IGSF5: variants seen among roughly 807,000 people sequenced by gnomAD.
IGSF5 encodes the protein immunoglobulin superfamily 5 like.
Under a neutral mutation model 39.4 loss-of-function variants are expected in IGSF5, and 41 were observed. The observed-to-expected ratio is 1.04, with a 90% confidence interval of 0.81 to 1.35. The LOEUF (loss-of-function observed/expected upper bound fraction) is 1.35. IGSF5 is among the 40% of genes most tolerant of loss of function. The probability of loss-of-function intolerance (pLI) is 0.00; values close to 1 mark genes in which losing one functional copy is unlikely to be tolerated. For synonymous variants in IGSF5, 183 were observed against 175.3 expected (o/e 1.04, Z -0.34); for missense variants, 487 against 494.6 (o/e 0.98, Z 0.15).
At chr21:39,747,737 T>C (rs1355470136) in intron 2 of IGSF5, among the ~76,000 whole-genome samples, 1 of 152,226 alleles carries the variant, frequency 6.6e-6, no homozygotes, top group Non-Finnish European at 1.5e-5. Context: ...TCTAGGTCAT[T>C]AACATAATTT....
At chr21:39,780,877 A>G (rs2080166740) in intron 5 of IGSF5, among the ~76,000 whole-genome samples, 1 of 152,218 alleles carries the variant, frequency 6.6e-6, no homozygotes, top group African/African-American at 2.4e-5. Flanking sequence ...TCCTTTTGTT[A>G]AAAACTTCAT....
chr21:39,743,490 T>G (rs2079956588), upstream of IGSF5, among the ~76,000 whole-genome samples: 1 of 151,576 alleles, frequency 6.6e-6, no homozygotes, highest in Non-Finnish European at 1.5e-5. Flanking sequence ...CTGGCTGGGC[T>G]GAATTCTCCT....
the IGSF5 span, among the ~76,000 whole-genome samples, chr21:39,738,336 G>A: frequency 6.6e-6 from 1 of 152,156 alleles, no homozygotes; most frequent in Non-Finnish European, 1.5e-5. This position sits in a 1 kb window ranked among gnomAD's most constrained non-coding sequence, Gnocchi z 6.4. Flanking sequence ...CATGAGAACA[G>A]TATGGGGGAA....
chr21:39,720,577 G>C, the IGSF5 span, among the ~76,000 whole-genome samples: 1 of 152,142 alleles, frequency 6.6e-6, no homozygotes, highest in Non-Finnish European at 1.5e-5. Context: ...CTGTCCTAGT[G>C]GCCAGAAACA....
intron 2 of IGSF5, among the ~76,000 whole-genome samples, chr21:39,751,950 G>A (rs112370300): frequency 0.042 from 6,374 of 152,114 alleles, 444 homozygotes; most frequent in African/African-American, 0.14. Flanking sequence ...GAGCCGTGGC[G>A]GTGTCCAGGT....
intron 4 of IGSF5, among the ~76,000 whole-genome samples, chr21:39,773,908 T>C (rs149152151): frequency 2.8e-3 from 430 of 152,130 alleles, no homozygotes; most frequent in African/African-American, 9.9e-3. Context: ...CTTAGAGAGA[T>C]AGATTTTAGA....
the IGSF5 span, among the ~76,000 whole-genome samples, chr21:39,732,351 A>G: frequency 6.6e-6 from 1 of 152,232 alleles, no homozygotes; most frequent in Non-Finnish European, 1.5e-5. Flanking sequence ...GATGTCCAGG[A>G]TAACTTAAAT....
chr21:39,723,032 T>G, the IGSF5 span, among the ~76,000 whole-genome samples: 1 of 152,252 alleles, frequency 6.6e-6, no homozygotes, highest in Non-Finnish European at 1.5e-5. Flanking sequence ...AGTTATCTAT[T>G]GCTATGTAAC....
chr21:39,742,385 G>A (rs561381086), upstream of IGSF5, among the ~76,000 whole-genome samples: 93 of 152,216 alleles, frequency 6.1e-4, no homozygotes, highest in Non-Finnish European at 1.0e-3. Flanking sequence ...ACAGTTGTCC[G>A]GGACAGGAGA....
rs749298756 is a variant in IGSF5, at chr21:39,765,397, C to T, written c.101-138C>T. The T allele has an allele frequency of 8.5e-5, 61 of 718,806 alleles. 1 individual carries two copies. The highest frequency in any genetic ancestry group is 1.2e-4 in the Non-Finnish European group (51 of 439,066). 44.5% of individuals were successfully genotyped at this position (718,806 alleles called of 1,614,324 possible). On this transcript the variant is annotated intron_variant, in intron 2 of 8. Transcript: ENST00000380588. ...TGATCTGCCAGGGAGAGCTGGTGTT[C>T]GGATTCAAAAGACACAGTCTGAGTC... is the stretch of plus-strand genomic sequence containing the variant.
upstream of IGSF5, among the ~76,000 whole-genome samples, chr21:39,743,235 G>T (rs1225282109): frequency 6.6e-6 from 1 of 152,150 alleles, no homozygotes; most frequent in African/African-American, 2.4e-5. Flanking sequence ...TTCTTCTGTT[G>T]TCATCCTGTC....
At chr21:39,766,562 C>T (rs918341613) in intron 3 of IGSF5, among the ~76,000 whole-genome samples, 6 of 152,084 alleles carry the variant, frequency 3.9e-5, no homozygotes, top group African/African-American at 1.2e-4. Flanking sequence ...GTTGTGTGTT[C>T]ACCAAATATA....
At chr21:39,751,797 C>A (rs1041683706) in intron 2 of IGSF5, among the ~76,000 whole-genome samples, 1 of 152,116 alleles carries the variant, frequency 6.6e-6, no homozygotes, top group Admixed American at 6.5e-5. Flanking sequence ...TTGTAAATGC[C>A]TTTTCCACCC....
At chr21:39,748,328 T>TTTTTTTTTTTTTTTTA in intron 2 of IGSF5, among the ~76,000 whole-genome samples, 1 of 122,234 alleles carries the variant, frequency 8.2e-6, no homozygotes, top group African/African-American at 3.9e-5. Flanking sequence ...TTTTTTTTTT[T>TTTTTTTTTTTTTTTTA]GAGACAGCGT....
the IGSF5 span, among the ~76,000 whole-genome samples, chr21:39,724,031 A>G: frequency 6.6e-6 from 1 of 151,906 alleles, no homozygotes; most frequent in Non-Finnish European, 1.5e-5. Context: ...GCGCCACTGC[A>G]CTCCAGTCTG....
intron 2 of IGSF5, among the ~76,000 whole-genome samples, chr21:39,750,563 A>G (rs989009480): frequency 3.4e-5 from 5 of 148,762 alleles, no homozygotes; most frequent in Non-Finnish European, 7.4e-5. Flanking sequence ...GGTTCTTGGG[A>G]CACAGTCTTC....
intron 4 of IGSF5, among the ~76,000 whole-genome samples, chr21:39,774,909 C>T (rs1027474220): frequency 6.6e-6 from 1 of 152,180 alleles, no homozygotes; most frequent in East Asian, 1.9e-4. Flanking sequence ...AGTCAGCAAA[C>T]TTCAGGGCTC....
At chr21:39,742,447 T>C (rs399638), upstream of IGSF5, among the ~76,000 whole-genome samples, 119,345 of 152,066 alleles carry the variant, frequency 0.78, 47,365 homozygotes, top group Admixed American at 0.85. Context: ...ACCTCTTGGC[T>C]CTCAATGGTC....
intron 5 of IGSF5, among the ~76,000 whole-genome samples, chr21:39,785,281 A>G (rs973274274): frequency 2.2e-4 from 33 of 151,936 alleles, no homozygotes; most frequent in Admixed American, 4.0e-4. Flanking sequence ...TAAAACACCA[A>G]AAACAATGGC....
Sources: gnomAD v4.1 joint callset for allele counts (sites outside exome capture counted in the v4.1 genomes callset) on GRCh38, gnomAD v4.1.1 for gene constraint, Gnocchi (gnomAD v3.1) non-coding constraint, MANE v1.5 for transcripts, NCBI Gene and HGNC (gene_info 2026-07-23, HGNC 2026-07-21) for gene names.